The following MYO5B variants were observed in gnomAD, a reference collection of about 807,000 sequenced individuals.
MYO5B encodes the protein unconventional myosin-Vb.
In MYO5B, 143 loss-of-function variants were observed where a neutral mutation model predicts 229.3. That is an observed-to-expected ratio of 0.62 (90% confidence interval 0.54 to 0.72). The LOEUF (loss-of-function observed/expected upper bound fraction) is 0.72, where lower values mean the gene tolerates loss of function less well. MYO5B is among the 30% of genes least tolerant of loss of function. MYO5B has a pLI of 0.00. For missense variants in MYO5B, 2,321 were observed against 2,331.0 expected, an observed-to-expected ratio of 1.00 and a Z score of 0.09; for synonymous variants, 918 against 885.2, an observed-to-expected ratio of 1.04 and a Z score of -0.66.
chr18:49,955,003 A>T (rs558865991), intron 12 of MYO5B, among the ~76,000 whole-genome samples: 4 of 152,268 alleles, frequency 2.6e-5, no homozygotes, highest in Admixed American at 2.0e-4. Flanking sequence ...CATGCCCTAG[A>T]ATATTGTGCA....
intron 27 of MYO5B, among the ~76,000 whole-genome samples, chr18:49,868,017 T>C (rs779284994): frequency 1.3e-5 from 2 of 152,160 alleles, no homozygotes; most frequent in Non-Finnish European, 2.9e-5. Flanking sequence ...GTGATAATCA[T>C]GTCATAAAAT....
chr18:49,913,672 C>T (rs1397683517), intron 17 of MYO5B, among the ~76,000 whole-genome samples: 1 of 152,184 alleles, frequency 6.6e-6, no homozygotes, highest in African/African-American at 2.4e-5. Context: ...AGGCCCTACC[C>T]TCAAGCCTGG....
intron 1 of MYO5B, among the ~76,000 whole-genome samples, chr18:50,192,755 G>C (rs1309031233): frequency 6.6e-6 from 1 of 152,288 alleles, no homozygotes; most frequent in South Asian, 2.1e-4. Context: ...ATCTTTTCCA[G>C]TTAATAATGT....
intron 22 of MYO5B, among the ~76,000 whole-genome samples, chr18:49,885,046 T>C (rs1317046581): frequency 6.6e-6 from 1 of 152,126 alleles, no homozygotes; most frequent in Non-Finnish European, 1.5e-5. Context: ...TATAAAATGG[T>C]GCAGCAGCTC....
chr18:49,934,878 A>C (rs922443839), intron 16 of MYO5B, among the ~76,000 whole-genome samples: 9 of 152,220 alleles, frequency 5.9e-5, no homozygotes, highest in Non-Finnish European at 5.9e-5. Flanking sequence ...TCTGAGAGTC[A>C]AAATTGTCAA....
At chr18:50,115,245 T>C (rs1234861179) in intron 1 of MYO5B, among the ~76,000 whole-genome samples, 1 of 152,212 alleles carries the variant, frequency 6.6e-6, no homozygotes, top group African/African-American at 2.4e-5. Context: ...CCCATGAGCA[T>C]GTCTTAGCTC....
intron 14 of MYO5B, among the ~76,000 whole-genome samples, chr18:49,940,996 T>G (rs545804325): frequency 1.4e-3 from 206 of 152,342 alleles, no homozygotes; most frequent in Non-Finnish European, 1.9e-3. Flanking sequence ...TAGCTTCAGT[T>G]TTAGAGTCAA....
intron 1 of MYO5B, among the ~76,000 whole-genome samples, chr18:50,172,768 G>C (rs1236642145): frequency 6.6e-6 from 1 of 152,226 alleles, no homozygotes; most frequent in African/African-American, 2.4e-5. Flanking sequence ...GCAAACAAGA[G>C]AGCCAGCTAT....
chr18:50,033,628 T>G (rs1374446656), intron 4 of MYO5B, among the ~76,000 whole-genome samples: 6 of 152,026 alleles, frequency 3.9e-5, no homozygotes. Context: ...AATGAGTGAG[T>G]GGGCCTTCTG....
At chr18:49,960,080 C>T (rs1439859297) in intron 12 of MYO5B, among the ~76,000 whole-genome samples, 1 of 152,060 alleles carries the variant, frequency 6.6e-6, no homozygotes, top group African/African-American at 2.4e-5. Flanking sequence ...TCCCTGCACA[C>T]TCCCCCTTTA....
intron 12 of MYO5B, among the ~76,000 whole-genome samples, chr18:49,957,904 T>C (rs977171964): frequency 6.6e-6 from 1 of 151,850 alleles, no homozygotes; most frequent in African/African-American, 2.4e-5. Context: ...GCCCCTCCCC[T>C]CTTTGCCATC....
chr18:50,155,532 C>G (rs1482009687), intron 1 of MYO5B, among the ~76,000 whole-genome samples: 1 of 152,156 alleles, frequency 6.6e-6, no homozygotes, highest in Non-Finnish European at 1.5e-5. Context: ...AACTACCTTG[C>G]AGCAGTTTAT....
At chr18:49,964,467 A>G (rs1326171961) in intron 10 of MYO5B, among the ~76,000 whole-genome samples, 1 of 152,176 alleles carries the variant, frequency 6.6e-6, no homozygotes, top group Non-Finnish European at 1.5e-5. Context: ...GGACATTTTC[A>G]TCACCTGGAA....
chr18:50,141,665 G>T (rs956778), intron 1 of MYO5B, among the ~76,000 whole-genome samples: 52,405 of 152,064 alleles, frequency 0.34, 9,691 homozygotes, highest in Non-Finnish European at 0.43. Flanking sequence ...TTCTGGGGTT[G>T]CCAGCCCCTA....
intron 27 of MYO5B, among the ~76,000 whole-genome samples, chr18:49,867,386 A>G (rs569969112): frequency 6.6e-6 from 1 of 152,260 alleles, no homozygotes; most frequent in Non-Finnish European, 1.5e-5. Flanking sequence ...CGCAGTGAGC[A>G]GTTGGAATTA....
chr18:50,150,019 G>A (rs111532231), intron 1 of MYO5B, among the ~76,000 whole-genome samples: 15,926 of 143,836 alleles, frequency 0.11, 518 homozygotes, highest in East Asian at 0.17. Flanking sequence ...AAAAGTGGGC[G>A]AAGGACATGA....
intron 17 of MYO5B, among the ~76,000 whole-genome samples, chr18:49,916,876 C>T (rs2025021727): frequency 6.6e-6 from 1 of 152,238 alleles, no homozygotes; most frequent in South Asian, 2.1e-4. Flanking sequence ...AAGGCTCCCT[C>T]ACCTTTAAGA....
At chr18:50,036,014 C>T (rs2026444207) in intron 4 of MYO5B, among the ~76,000 whole-genome samples, 1 of 152,158 alleles carries the variant, frequency 6.6e-6, no homozygotes. Context: ...GAATGGGATT[C>T]TCCCCCTACA....
At chr18:50,081,235 T>C (rs1056145127) in intron 1 of MYO5B, among the ~76,000 whole-genome samples, 1 of 152,150 alleles carries the variant, frequency 6.6e-6, no homozygotes, top group African/African-American at 2.4e-5. Flanking sequence ...GAATGAATTA[T>C]CTCCTAAAGT....
Sources: gnomAD v4.1 joint callset for allele counts (sites outside exome capture counted in the v4.1 genomes callset) on GRCh38, gnomAD v4.1.1 for gene constraint, MANE v1.5 for transcripts, NCBI Gene and HGNC (gene_info 2026-07-23, HGNC 2026-07-21) for gene names.